Variants in GOLPH3L observed in about 807,000 individuals in gnomAD.
The protein encoded by GOLPH3L is golgi phosphoprotein 3 like, also known as Golgi phosphoprotein 3-like.
Under a neutral mutation model 30.3 loss-of-function variants are expected in GOLPH3L, and 22 were observed. That is an observed-to-expected ratio of 0.73 (90% CI 0.52 to 1.04). The LOEUF is 1.04. GOLPH3L is among the 50% of genes least tolerant of loss of function. The probability of loss-of-function intolerance (pLI) is 0.00; values close to 1 mark genes in which losing one functional copy is unlikely to be tolerated. For synonymous variants in GOLPH3L, 120 were observed against 128.2 expected (o/e 0.94, Z 0.43); for missense variants, 303 against 345.8 (o/e 0.88, Z 0.98).
intron 2 of GOLPH3L, among the ~76,000 whole-genome samples, chr1:150,693,442 C>G (rs1187809173): frequency 6.6e-6 from 1 of 151,992 alleles, no homozygotes; most frequent in Non-Finnish European, 1.5e-5. Flanking sequence ...AAAACTGAGG[C>G]CAGTAATAAA....
chr1:150,660,393 C>A (rs1269470090), intron 4 of GOLPH3L, among the ~76,000 whole-genome samples: 1 of 152,076 alleles, frequency 6.6e-6, no homozygotes, highest in African/African-American at 2.4e-5. Flanking sequence ...AAAGGTTAAA[C>A]ATAAAACTGC....
intron 4 of GOLPH3L, among the ~76,000 whole-genome samples, chr1:150,648,992 T>C (rs1462531661): frequency 6.6e-6 from 1 of 152,172 alleles, no homozygotes; most frequent in Non-Finnish European, 1.5e-5. Flanking sequence ...TTTCTGTTCT[T>C]ATGTGACCTC....
chr1:150,667,807 G>A (rs1307298187), intron 2 of GOLPH3L, among the ~76,000 whole-genome samples: 8 of 151,910 alleles, frequency 5.3e-5, no homozygotes, highest in Admixed American at 5.2e-4. Context: ...TGTTAGCTAG[G>A]ATGGTCTTGA....
Position 150,648,239 on chromosome 1 carries a change from C to T in GOLPH3L, c.*82G>A, listed in dbSNP as rs1650026647. ...GAAAAGGAAACAAAAATGATGAAAA[C>T]ATCTCATCACACAAAACTCAGTGAT... is the stretch of plus-strand genomic sequence containing the variant. On this transcript the variant is annotated 3_prime_UTR_variant, in exon 5 of 5. Coordinates refer to ENST00000271732, the MANE Select transcript of GOLPH3L (RefSeq NM_018178.6). 1 of 975,998 alleles carries T rather than the reference C, an allele frequency of 1.0e-6. No individual in the cohort carries two copies. Among genetic ancestry groups the T allele is most frequent in the Non-Finnish European group, 1.5e-6 (1 of 651,396 alleles). 60.5% of individuals were successfully genotyped at this position (975,998 alleles called of 1,614,324 possible).
intron 2 of GOLPH3L, among the ~76,000 whole-genome samples, chr1:150,680,938 A>G (rs760033856): frequency 4.3e-4 from 66 of 152,124 alleles, no homozygotes; most frequent in Admixed American, 9.2e-4. Flanking sequence ...TCAGGAGTTC[A>G]AGACCAGACT....
rs1351164661 is a variant in GOLPH3L at position 150,663,898 on chromosome 1, G to A, written c.184-135C>T. Reference sequence around the variant, plus strand: ...CATGAACTCAAAGTATAGAGTAAGAGGATGTTTCTTTAATCCTCTTAAACA... The same window carrying A: ...CATGAACTCAAAGTATAGAGTAAGAAGATGTTTCTTTAATCCTCTTAAACA... On this transcript the variant is annotated intron_variant, in intron 2 of 4. Transcript: ENST00000271732. 1.0e-5 allele frequency: 6 copies of A among 591,166 alleles called. No individual in the cohort carries two copies. The African/African-American group carries it at 1.1e-4, about 11-fold the overall frequency. 36.6% of individuals were successfully genotyped at this position (591,166 alleles called of 1,614,324 possible). A position where few individuals can be genotyped will look rare whatever the true frequency, so the allele number is the denominator to read the frequency against.
chr1:150,672,763 A>T (rs1306179011), intron 2 of GOLPH3L, among the ~76,000 whole-genome samples: 1 of 152,164 alleles, frequency 6.6e-6, no homozygotes, highest in Non-Finnish European at 1.5e-5. Context: ...AAGCATTAAA[A>T]GCCCACTCTG....
chr1:150,694,744 C>CT lies in GOLPH3L; in HGVS notation c.94dup (p.Ser32LysfsTer5), dbSNP rs774824915. The stretch of plus-strand genomic sequence containing the variant: ...GTCTCCAGAATCTTCATTGTCTGGA[C>CT]TTTTCTCCCAATTACTGTCTTCCTC... On this transcript the variant is annotated frameshift_variant, in exon 2 of 5. Coordinates refer to ENST00000271732, the MANE Select transcript of GOLPH3L (RefSeq NM_018178.6). LOFTEE classifies it high-confidence loss of function. 6.2e-7 allele frequency: 1 copy of CT among 1,609,832 alleles called. No individual in the cohort carries two copies. Among genetic ancestry groups the CT allele is most frequent in the South Asian group, 1.1e-5 (1 of 90,982 alleles).
chr1:150,666,936 G>A (rs1650521613), intron 2 of GOLPH3L, among the ~76,000 whole-genome samples: 1 of 152,078 alleles, frequency 6.6e-6, no homozygotes, highest in Non-Finnish European at 1.5e-5. Flanking sequence ...TGATTAAGAG[G>A]TTCACGTTTA....
intron 4 of GOLPH3L, among the ~76,000 whole-genome samples, chr1:150,657,327 A>G (rs1196276085): frequency 1.3e-5 from 2 of 152,256 alleles, no homozygotes; most frequent in Non-Finnish European, 2.9e-5. Context: ...TCGCAATTTA[A>G]CCCATGTTAA....
chr1:150,652,062 C>T (rs1650116099), intron 4 of GOLPH3L, among the ~76,000 whole-genome samples: 1 of 151,906 alleles, frequency 6.6e-6, no homozygotes, highest in Admixed American at 6.6e-5. Context: ...ATCATGAAAG[C>T]AGAAGAGAAA....
intron 2 of GOLPH3L, among the ~76,000 whole-genome samples, chr1:150,678,884 G>C (rs1650882540): frequency 1.3e-5 from 2 of 152,312 alleles, no homozygotes; most frequent in South Asian, 2.1e-4. Flanking sequence ...CTGGGAGGCA[G>C]AGGTTGCAGT....
intron 2 of GOLPH3L, among the ~76,000 whole-genome samples, chr1:150,691,455 G>T (rs114269436): frequency 0.016 from 2,375 of 152,182 alleles, 65 homozygotes; most frequent in African/African-American, 0.054. Flanking sequence ...GGCGCAGGTT[G>T]CAGTGAGCCA....
chr1:150,681,630 C>A (rs1363960844), intron 2 of GOLPH3L, among the ~76,000 whole-genome samples: 1 of 152,202 alleles, frequency 6.6e-6, no homozygotes, highest in Non-Finnish European at 1.5e-5. Flanking sequence ...TAATAATATA[C>A]ATTTATTCAA....
chr1:150,694,888 C>T lies in GOLPH3L; in HGVS notation c.-12-38G>A, dbSNP rs1333723984. On this transcript the variant is annotated intron_variant, in intron 1 of 4. Transcript: ENST00000271732. ...GTGAAAAAAAAAATCCATATGTATG[C>T]TTATGTAAATAAATCATATATTCAT... The T allele has an allele frequency of 3.6e-6, 4 of 1,108,828 alleles. No homozygotes were observed. In the East Asian group the frequency reaches 7.1e-5, roughly 20 times the overall value. The allele number at this position is 1,108,828 out of a possible 1,614,324, so 68.7% of individuals were successfully genotyped here.
chr1:150,673,704 G>T (rs1158634073), intron 2 of GOLPH3L, among the ~76,000 whole-genome samples: 2 of 151,994 alleles, frequency 1.3e-5, no homozygotes, highest in African/African-American at 4.8e-5. Context: ...CAAGGTGGGA[G>T]TACTGCCTGA....
At chr1:150,683,117 C>T (rs914859737) in intron 2 of GOLPH3L, among the ~76,000 whole-genome samples, 4 of 152,096 alleles carry the variant, frequency 2.6e-5, no homozygotes, top group African/African-American at 9.7e-5. Context: ...AGGAGGTACT[C>T]AAGGCCGGGT....
intron 2 of GOLPH3L, among the ~76,000 whole-genome samples, chr1:150,678,929 C>T (rs1650883750): frequency 6.6e-6 from 1 of 152,150 alleles, no homozygotes; most frequent in Non-Finnish European, 1.5e-5. Context: ...GGCGAGGGAG[C>T]AAGGCTCCGT....
At chr1:150,656,852 G>C (rs190031240) in intron 4 of GOLPH3L, among the ~76,000 whole-genome samples, 1 of 152,216 alleles carries the variant, frequency 6.6e-6, no homozygotes, top group African/African-American at 2.4e-5. Context: ...AAATGAAACT[G>C]TTTCAATTTT....
Sources: gnomAD v4.1 joint callset for allele counts (sites outside exome capture counted in the v4.1 genomes callset) on GRCh38, gnomAD v4.1.1 for gene constraint, MANE v1.5 for transcripts, NCBI Gene and HGNC (gene_info 2026-07-23, HGNC 2026-07-21) for gene names.